Variants in XPO6 observed in about 807,000 individuals in gnomAD.
XPO6 encodes the protein exportin 6, also known as exportin-6.
Under a neutral mutation model 130.0 loss-of-function variants are expected in XPO6, and 3 were observed. The ratio of observed to expected loss-of-function variants is 0.02; its 90% CI spans 0.01 to 0.06. XPO6 has a LOEUF of 0.06. Among genes scored for constraint, XPO6 ranks in the 10% least tolerant of loss-of-function variants. XPO6 has a pLI of 1.00. For missense variants in XPO6, 970 were observed against 1,393.0 expected (o/e 0.70, Z 4.83); for synonymous variants, 524 against 548.9 (o/e 0.95, Z 0.63).
chr16:28,197,500 C>A (rs565525152), intron 1 of XPO6, among the ~76,000 whole-genome samples: 3 of 152,004 alleles, frequency 2.0e-5, no homozygotes, highest in Non-Finnish European at 4.4e-5. Context: ...ATTATTTAAC[C>A]TATTAAATTA....
intron 4 of XPO6, among the ~76,000 whole-genome samples, chr16:28,170,356 A>G (rs1287165695): frequency 6.6e-6 from 1 of 150,912 alleles, no homozygotes; most frequent in African/African-American, 2.4e-5. Flanking sequence ...AAAAAGAAAC[A>G]TCACTTAGAG....
At position 28,186,374 on chromosome 16, in the gene XPO6, C is replaced by CT. The variant is rs60754642; in HGVS notation, c.4-5344dup. 6.6e-4 allele frequency among the ~76,000 whole-genome samples: 54 copies of CT among 81,424 alleles called. 12 individuals carry two copies. Among genetic ancestry groups the CT allele is most frequent in the African/African-American group, 1.2e-3 (19 of 15,258 alleles). 53.4% of individuals were successfully genotyped at this position (81,424 alleles called of 152,430 possible). ...TATAGATTTTTCTGCCCCAGTTATT[C>CT]TTTTTTTTTTTTTTTTTGCTAAAGA... On this transcript the variant is annotated intron_variant, in intron 1 of 23. Coordinates refer to ENST00000304658, the MANE Select transcript of XPO6 (RefSeq NM_015171.4).
At chr16:28,171,631 G>C (rs1408425895) in intron 4 of XPO6, among the ~76,000 whole-genome samples, 1 of 152,150 alleles carries the variant, frequency 6.6e-6, no homozygotes, top group African/African-American at 2.4e-5. Flanking sequence ...TAGGTAACCA[G>C]CAGCAATGAA....
At chr16:28,185,205 C>A (rs1449032521) in intron 1 of XPO6, among the ~76,000 whole-genome samples, 3 of 151,444 alleles carry the variant, frequency 2.0e-5, no homozygotes, top group Non-Finnish European at 2.9e-5. Flanking sequence ...ACAACAACAA[C>A]AAAAAAAAGC....
At chr16:28,099,583 C>T (rs188004068) in intron 23 of XPO6, among the ~76,000 whole-genome samples, 126 of 152,388 alleles carry the variant, frequency 8.3e-4, no homozygotes, top group African/African-American at 2.8e-3. Flanking sequence ...CTTCCAAGTT[C>T]TGTGAACTGC....
intron 9 of XPO6, among the ~76,000 whole-genome samples, chr16:28,136,281 G>A (rs971493954): frequency 3.3e-5 from 5 of 152,166 alleles, no homozygotes; most frequent in African/African-American, 9.7e-5. Flanking sequence ...GTGCAACGGC[G>A]CAATCTTGGC....
At chr16:28,137,229 A>G (rs1054246583) in intron 9 of XPO6, among the ~76,000 whole-genome samples, 1 of 152,188 alleles carries the variant, frequency 6.6e-6, no homozygotes, top group African/African-American at 2.4e-5. Flanking sequence ...CTCTCTTCAG[A>G]GATCTGAACC....
chr16:28,182,866 G>A (rs1049710973), intron 1 of XPO6, among the ~76,000 whole-genome samples: 17 of 148,452 alleles, frequency 1.1e-4, no homozygotes, highest in African/African-American at 4.3e-4. Flanking sequence ...TTCATAAATC[G>A]AGTCTGGTGT....
chr16:28,177,936 G>A (rs1354896510), intron 2 of XPO6, among the ~76,000 whole-genome samples: 1 of 152,208 alleles, frequency 6.6e-6, no homozygotes, highest in Non-Finnish European at 1.5e-5. Flanking sequence ...ACGATGACGA[G>A]TGTTGCGGCG....
chr16:28,190,224 T>C (rs1222854429), intron 1 of XPO6, among the ~76,000 whole-genome samples: 2 of 129,322 alleles, frequency 1.5e-5, no homozygotes, highest in African/African-American at 7.1e-5. Context: ...TCTTTCTTTA[T>C]TTTTTTTTTT....
chr16:28,117,694 T>C (rs1008862170), intron 14 of XPO6, among the ~76,000 whole-genome samples: 6 of 152,214 alleles, frequency 3.9e-5, no homozygotes, highest in African/African-American at 1.2e-4. Flanking sequence ...CAATGTCTAC[T>C]GAATCTTATT....
At chr16:28,146,294 T>C (rs1312717231) in intron 8 of XPO6, 91 bp from the exon 9 acceptor site, 1 of 1,033,952 alleles carries the variant, frequency 9.7e-7, no homozygotes, top group Admixed American at 2.1e-5. Flanking sequence ...TCCAGCAGAA[T>C]GATGAAATCA....
chr16:28,125,018 G>C (rs911896426), intron 13 of XPO6, among the ~76,000 whole-genome samples: 6 of 152,300 alleles, frequency 3.9e-5, no homozygotes, highest in Non-Finnish European at 7.4e-5. Flanking sequence ...GGTTTTTCGA[G>C]GGGAGAAAGG....
chr16:28,101,889 G>A lies in XPO6; in HGVS notation c.3003C>T (p.Phe1001=), dbSNP rs1210195740. The change falls in exon 22 of 24, where the codon TTC becomes TTT. Residue 1001 remains phenylalanine (F), a synonymous_variant. Transcript: ENST00000304658. This position sits in a 1 kb window ranked among gnomAD's most constrained non-coding sequence, Gnocchi z 5.4. ...PDIHLFKQNL[F]YLETLNTKQK... ...GCTTGGTGTTGAGAGTCTCCAAGTA[G>A]AAGAGATTTTGTTTAAAAAGGTGGA... 2.5e-6 allele frequency: 4 copies of A among 1,614,160 alleles called. No homozygotes were observed. The Admixed American group carries it at 5.0e-5, about 20-fold the overall frequency.
At chr16:28,177,825 A>G (rs1010819403) in intron 2 of XPO6, among the ~76,000 whole-genome samples, 1 of 152,206 alleles carries the variant, frequency 6.6e-6, no homozygotes, top group African/African-American at 2.4e-5. Flanking sequence ...ATAGGAAAGG[A>G]AAAAAATGCA....
At position 28,112,946 on chromosome 16, in the gene XPO6, G is replaced by A; in HGVS notation, c.2109C>T (p.Phe703=). The change falls in exon 16 of 24, where the codon TTC becomes TTT. Residue 703 remains phenylalanine (F), a synonymous_variant. Transcript: ENST00000304658. ...LISIPAVQKV[F]NRITDASALR... is the part of the protein sequence containing the mutation. ...GGGCAGAGGCATCAGTGATTCTGTT[G>A]AATACTTTCTGCACTGCAGGGATGC... 3 of 1,614,136 alleles carry A rather than the reference G, an allele frequency of 1.9e-6. No homozygotes were observed. Among genetic ancestry groups the A allele is most frequent in the Non-Finnish European group, 2.5e-6 (3 of 1,180,014 alleles).
chr16:28,168,782 T>C (rs990525062), intron 5 of XPO6, among the ~76,000 whole-genome samples: 1 of 111,464 alleles, frequency 9.0e-6, no homozygotes, highest in African/African-American at 3.6e-5. Context: ...TTTTGTTTTG[T>C]TTTTTTTTTT....
chr16:28,152,582 G>GA (rs1279840499), intron 8 of XPO6, 77 bp downstream of exon 8: 1 of 1,526,018 alleles, frequency 6.6e-7, no homozygotes, highest in East Asian at 2.3e-5. Flanking sequence ...AAAGTTGAAA[G>GA]AAAAAGTTCT....
At chr16:28,146,262 C>G in intron 8 of XPO6, 59 bp from the exon 9 acceptor site, 2 of 1,191,938 alleles carry the variant, frequency 1.7e-6, no homozygotes, top group Non-Finnish European at 2.5e-6. Flanking sequence ...TCCTTAGAAA[C>G]ACACACATGC....
Sources: gnomAD v4.1 joint callset for allele counts (sites outside exome capture counted in the v4.1 genomes callset) on GRCh38, gnomAD v4.1.1 for gene constraint, Gnocchi (gnomAD v3.1) non-coding constraint, MANE v1.5 for transcripts, NCBI Gene and HGNC (gene_info 2026-07-23, HGNC 2026-07-21) for gene names.